Variants in PTGR3 observed in about 807,000 individuals in gnomAD.
The protein encoded by PTGR3 is prostaglandin reductase 3, also known as zinc binding alcohol dehydrogenase domain containing 2.
At chr18:75,199,549 C>G in the PTGR3 span, 5 of 152,226 alleles carry the variant, frequency 3.3e-5, no homozygotes, top group East Asian at 1.9e-4. Flanking sequence ...CTCCCCCCTC[C>G]TTTGTTTGTT....
chr18:75,199,334 G>A, the PTGR3 span: 2 of 152,460 alleles, frequency 1.3e-5, no homozygotes, highest in Non-Finnish European at 2.9e-5. Context: ...AATTTAGTTG[G>A]TAATGTCCTT....
chr18:75,205,150 T>C, the PTGR3 span: 1,265 of 985,422 alleles, frequency 1.3e-3, 16 homozygotes, highest in African/African-American at 0.021. Context: ...CCCCCGCGGC[T>C]GGTGAGGACC....
chr18:75,199,861 A>G, the PTGR3 span: 2 of 152,668 alleles, frequency 1.3e-5, no homozygotes, highest in South Asian at 2.1e-4. Context: ...CAGTGCAGCC[A>G]TAACATTCAG....
the PTGR3 span, chr18:75,201,789 T>C: frequency 1.9e-6 from 3 of 1,614,156 alleles, no homozygotes; most frequent in Non-Finnish European, 2.5e-6. Context: ...TACAGCCAAG[T>C]CAAACATGGC....
chr18:75,208,786 G>A, the PTGR3 span: 1 of 1,304,870 alleles, frequency 7.7e-7, no homozygotes, highest in Non-Finnish European at 9.8e-7. Flanking sequence ...CTGCGGGAGC[G>A]GCGCGGCGCG....
chr18:75,208,370 A>C, the PTGR3 span: 2 of 986,768 alleles, frequency 2.0e-6, no homozygotes, highest in Non-Finnish European at 1.2e-6. Context: ...CCTGGAGGGA[A>C]CAGGGAAAGC....
the PTGR3 span, among the ~76,000 whole-genome samples, chr18:75,203,596 T>C: frequency 0.11 from 17,281 of 152,208 alleles, 1,445 homozygotes; most frequent in African/African-American, 0.23. Context: ...CTTTCTGTTA[T>C]GTCAAGCTGC....
At chr18:75,202,466 A>G in the PTGR3 span, 2 of 736,124 alleles carry the variant, frequency 2.7e-6, no homozygotes, top group African/African-American at 3.5e-5. Context: ...AATCTGATCG[A>G]ATTTGAGAAA....
the PTGR3 span, among the ~76,000 whole-genome samples, chr18:75,205,762 A>C: frequency 2.0e-5 from 3 of 150,388 alleles, no homozygotes; most frequent in Non-Finnish European, 4.4e-5. Context: ...AGAAAGAAAG[A>C]AACAAAGAAG....
At chr18:75,203,550 T>G in the PTGR3 span, among the ~76,000 whole-genome samples, 8 of 152,200 alleles carry the variant, frequency 5.3e-5, no homozygotes, top group African/African-American at 1.7e-4. Flanking sequence ...GAAAAGTCTC[T>G]GTATATTGTA....
At chr18:75,205,301 G>C in the PTGR3 span, 1 of 985,554 alleles carries the variant, frequency 1.0e-6, no homozygotes, top group Non-Finnish European at 1.2e-6. Context: ...GGGGCGGAAG[G>C]GCCAGGGAGC....
the PTGR3 span, chr18:75,202,095 G>A: frequency 6.2e-7 from 1 of 1,614,048 alleles, no homozygotes; most frequent in Non-Finnish European, 8.5e-7. Context: ...TACCAGCAGG[G>A]TAAGATACTC....
chr18:75,201,709 G>C, the PTGR3 span: 2 of 1,614,098 alleles, frequency 1.2e-6, no homozygotes, highest in African/African-American at 2.7e-5. Context: ...ACAGGCGAAA[G>C]GCCAGTAGGA....
chr18:75,207,960 C>G, the PTGR3 span, among the ~76,000 whole-genome samples: 1 of 152,108 alleles, frequency 6.6e-6, no homozygotes, highest in Non-Finnish European at 1.5e-5. Context: ...CATAGAGGAG[C>G]GCCTTGCCAG....
At chr18:75,201,970 T>C in the PTGR3 span, 4 of 1,614,232 alleles carry the variant, frequency 2.5e-6, no homozygotes, top group Non-Finnish European at 3.4e-6. Context: ...TTTGCCTTCT[T>C]TGAAAGCTGC....
the PTGR3 span, chr18:75,205,503 T>G: frequency 1.0e-6 from 1 of 985,190 alleles, no homozygotes; most frequent in Non-Finnish European, 1.2e-6. Context: ...GGCGCAGGCA[T>G]TCTCCAAATC....
the PTGR3 span, chr18:75,202,286 G>A: frequency 6.2e-7 from 1 of 1,614,084 alleles, no homozygotes; most frequent in Admixed American, 1.7e-5. Context: ...GCTTAACTGA[G>A]GGGTCATAGC....
At chr18:75,201,781 C>A in the PTGR3 span, 1 of 1,614,220 alleles carries the variant, frequency 6.2e-7, no homozygotes, top group Non-Finnish European at 8.5e-7. Flanking sequence ...AGGGCGTCTA[C>A]AGCCAAGTCA....
At chr18:75,201,618 T>A in the PTGR3 span, 6 of 1,614,200 alleles carry the variant, frequency 3.7e-6, no homozygotes, top group Non-Finnish European at 5.1e-6. Context: ...TGCTTGATAC[T>A]TAGAAAGGTA....
Sources: gnomAD v4.1 joint callset for allele counts (sites outside exome capture counted in the v4.1 genomes callset) on GRCh38, gnomAD v4.1.1 for gene constraint, MANE v1.5 for transcripts, NCBI Gene and HGNC (gene_info 2026-07-23, HGNC 2026-07-21) for gene names.